The following VAMP7 variants were observed in gnomAD, a reference collection of about 807,000 sequenced individuals.
VAMP7 encodes the protein vesicle associated membrane protein 7.
Under a neutral mutation model 29.6 loss-of-function variants are expected in VAMP7, and 14 were observed. The observed-to-expected ratio is 0.47, with a 90% CI of 0.31 to 0.74. VAMP7 has a LOEUF of 0.74. Ranked by LOEUF, VAMP7 falls within the 30% of genes least tolerant of loss-of-function variation. VAMP7 has a pLI of 0.05. For synonymous variants in VAMP7, 95 were observed against 88.1 expected, an observed-to-expected ratio of 1.08 and a Z score of -0.44; for missense variants, 223 against 262.4, an observed-to-expected ratio of 0.85 and a Z score of 1.04.
chrX:155,922,972 A>G (rs1308056630), intron 6 of VAMP7, among the ~76,000 whole-genome samples: 1 of 151,792 alleles, frequency 6.6e-6, no homozygotes, highest in African/African-American at 2.4e-5. Context: ...CTATAGCTCC[A>G]TTCTGTCATT....
At chrX:155,899,428 C>T (rs780123173) in intron 4 of VAMP7, among the ~76,000 whole-genome samples, 1 of 151,850 alleles carries the variant, frequency 6.6e-6, no homozygotes, top group Non-Finnish European at 1.5e-5. Context: ...AGTATAAAGA[C>T]GTAAGCTCTA....
chrX:155,928,569 CCTCCATCTA>C (rs968678303), intron 6 of VAMP7, among the ~76,000 whole-genome samples: 14 of 152,108 alleles, frequency 9.2e-5, no homozygotes, highest in Non-Finnish European at 1.9e-4. Flanking sequence ...GTGTGTCAAG[CCTCCATCTA>C]CTTTCCTCCT....
chrX:155,921,175 A>G (rs2066390794), intron 6 of VAMP7, among the ~76,000 whole-genome samples: 1 of 152,202 alleles, frequency 6.6e-6, no homozygotes, highest in Non-Finnish European at 1.5e-5. Flanking sequence ...TACAAATAAA[A>G]GTCTTAATTT....
intron 7 of VAMP7, 29 bp downstream of exon 7, chrX:155,939,822 T>C: frequency 6.5e-7 from 1 of 1,530,458 alleles, no homozygotes; most frequent in Non-Finnish European, 9.1e-7. Context: ...AGTGTATGGC[T>C]TTATTTTTCA....
chrX:155,937,324 T>C (rs2066675237), intron 6 of VAMP7, among the ~76,000 whole-genome samples: 1 of 152,148 alleles, frequency 6.6e-6, no homozygotes, highest in Non-Finnish European at 1.5e-5. Flanking sequence ...GATGAATAAG[T>C]TCTGGATACC....
chrX:155,918,843 G>A (rs1288723192), intron 5 of VAMP7, among the ~76,000 whole-genome samples: 1 of 152,056 alleles, frequency 6.6e-6, no homozygotes, highest in Admixed American at 6.5e-5. Context: ...GTGATCATGT[G>A]GCTTTTATTC....
At position 155,898,197 on chromosome X, in the gene VAMP7, C is replaced by T; in HGVS notation, c.290C>T (p.Ala97Val). The T allele has an allele frequency of 6.2e-7, 1 of 1,613,612 alleles. No homozygotes were observed. The highest frequency in any genetic ancestry group is 8.5e-7 in the Non-Finnish European group (1 of 1,179,642). The change falls in exon 4 of 8, where the codon GCA becomes GTA. Residue 97 changes from alanine to valine, a missense_variant. Physicochemically the swap from Ala to Val is moderately conservative, Grantham distance 64. Transcript: ENST00000286448. Reference sequence around the variant, plus strand: ...ACTTACGGTTCAAGAGCACAGACAGCACTTCCATATGCCATGAATAGCGAG... The same window carrying T: ...ACTTACGGTTCAAGAGCACAGACAGTACTTCCATATGCCATGAATAGCGAG... Reference protein sequence around the residue: ...QTTYGSRAQTALPYAMNSEFS... With the variant: ...QTTYGSRAQTVLPYAMNSEFS...
At chrX:155,895,523 G>T in intron 2 of VAMP7, 100 bp from the exon 3 acceptor site, 3 of 772,048 alleles carry the variant, frequency 3.9e-6, no homozygotes, top group South Asian at 3.3e-5. Context: ...GTAATATGGT[G>T]ACATTGGCAG....
chrX:155,920,076 A>G (rs1448057611), intron 6 of VAMP7, among the ~76,000 whole-genome samples, 196 bp downstream of exon 6: 2 of 152,214 alleles, frequency 1.3e-5, no homozygotes, highest in Non-Finnish European at 2.9e-5. Context: ...CCTAATAGCC[A>G]TTAAGGTAGC....
chrX:155,933,516 G>T (rs1249996562), intron 6 of VAMP7, among the ~76,000 whole-genome samples: 3 of 152,068 alleles, frequency 2.0e-5, no homozygotes, highest in Non-Finnish European at 4.4e-5. Context: ...ATTCTCTGAT[G>T]GTAGTTTGTA....
At chrX:155,938,117 T>C (rs2066689588) in intron 6 of VAMP7, among the ~76,000 whole-genome samples, 1 of 152,216 alleles carries the variant, frequency 6.6e-6, no homozygotes, top group Non-Finnish European at 1.5e-5. Context: ...AGGATACTTA[T>C]TAGAAATTTT....
At chrX:155,890,630 G>A (rs1230559890) in intron 2 of VAMP7, among the ~76,000 whole-genome samples, 2 of 152,132 alleles carry the variant, frequency 1.3e-5, no homozygotes, top group Non-Finnish European at 2.9e-5. Context: ...CAAAGCGTTG[G>A]GATTACAGGC....
At chrX:155,925,221 G>A (rs977396578) in intron 6 of VAMP7, among the ~76,000 whole-genome samples, 6 of 151,998 alleles carry the variant, frequency 3.9e-5, no homozygotes, top group Admixed American at 6.6e-5. Context: ...TTCCTCCCAC[G>A]AATCATGAAT....
chrX:155,883,963 C>A (rs757128447), intron 1 of VAMP7, among the ~76,000 whole-genome samples: 1 of 151,590 alleles, frequency 6.6e-6, no homozygotes, highest in South Asian at 2.1e-4. Flanking sequence ...TGATCCACCT[C>A]GGCCTCCCAA....
intron 5 of VAMP7, among the ~76,000 whole-genome samples, chrX:155,918,700 C>A (rs2066349403): frequency 1.3e-5 from 2 of 152,118 alleles, no homozygotes; most frequent in South Asian, 4.2e-4. Context: ...CAGAAATTAC[C>A]CACCTTCTGC....
At chrX:155,936,082 C>G (rs868181497) in intron 6 of VAMP7, among the ~76,000 whole-genome samples, 2 of 152,022 alleles carry the variant, frequency 1.3e-5, no homozygotes, top group African/African-American at 2.4e-5. Context: ...GAGGGGTACC[C>G]GCCGTGTGAG....
intron 5 of VAMP7, 107 bp from the exon 6 acceptor site, chrX:155,919,706 T>A (rs899010204): frequency 9.4e-6 from 9 of 956,006 alleles, no homozygotes; most frequent in African/African-American, 3.3e-5. Context: ...TGCCTGTCCT[T>A]TGGCCCCAGG....
At chrX:155,882,102 A>G (rs1233145044) in intron 1 of VAMP7, among the ~76,000 whole-genome samples, 1 of 152,114 alleles carries the variant, frequency 6.6e-6, no homozygotes, top group Non-Finnish European at 1.5e-5. Flanking sequence ...GCTTTCAACT[A>G]CCTGTATCTC....
At chrX:155,934,779 C>T (rs5983680) in intron 6 of VAMP7, among the ~76,000 whole-genome samples, 91,552 of 151,860 alleles carry the variant, frequency 0.6, 27,685 homozygotes, top group East Asian at 0.67. Flanking sequence ...TTAGTTGATG[C>T]AGTTTCTTCC....
Sources: gnomAD v4.1 joint callset for allele counts (sites outside exome capture counted in the v4.1 genomes callset) on GRCh38, gnomAD v4.1.1 for gene constraint, MANE v1.5 for transcripts, NCBI Gene and HGNC (gene_info 2026-07-23, HGNC 2026-07-21) for gene names.